FHIT: variants seen among roughly 807,000 people sequenced by gnomAD.
FHIT encodes the protein fragile histidine triad diadenosine triphosphatase.
In FHIT, 19 loss-of-function variants were observed where a neutral mutation model predicts 17.9. The observed-to-expected ratio is 1.06, with a 90% CI of 0.74 to 1.56. The LOEUF (loss-of-function observed/expected upper bound fraction) is 1.56, where lower values mean the gene tolerates loss of function less well. FHIT is among the 40% of genes most tolerant of loss of function. The probability of loss-of-function intolerance (pLI) is 0.00; values close to 1 mark genes in which losing one functional copy is unlikely to be tolerated. For missense variants in FHIT, 248 were observed against 189.2 expected (o/e 1.31, Z -1.82); for synonymous variants, 81 against 69.7 (o/e 1.16, Z -0.81).
At chr3:60,367,478 C>G (rs1461411164) in intron 5 of FHIT, among the ~76,000 whole-genome samples, 1 of 152,160 alleles carries the variant, frequency 6.6e-6, no homozygotes, top group Non-Finnish European at 1.5e-5. Flanking sequence ...TAAGAAAACT[C>G]TTACTCAAAA....
chr3:60,499,356 T>A (rs1429156434), intron 5 of FHIT, among the ~76,000 whole-genome samples: 1 of 152,194 alleles, frequency 6.6e-6, no homozygotes, highest in East Asian at 1.9e-4. Context: ...TCCAGACTCC[T>A]AGCATCTTCC....
At chr3:60,598,727 C>T (rs1553667622) in intron 4 of FHIT, among the ~76,000 whole-genome samples, 1 of 152,116 alleles carries the variant, frequency 6.6e-6, no homozygotes, top group African/African-American at 2.4e-5. Flanking sequence ...TCAGATACCG[C>T]TTCTGAGTTT....
In FHIT at chr3:60,568,369, A is replaced by C. The variant is rs140708472; in HGVS notation, c.-17-31390T>G. Among the ~76,000 whole-genome samples, 460 of 152,120 alleles carry C rather than the reference A, an allele frequency of 3.0e-3. 5 individuals are homozygous for C. Among genetic ancestry groups the C allele is most frequent in the African/African-American group, 0.011 (445 of 41,538 alleles). ...AACTATCACAAGGACAAAAAACCAA[A>C]TACCGCGTGTTCTCACTCATAGGTG... On this transcript the variant is annotated intron_variant, in intron 4 of 9. Coordinates refer to ENST00000492590, the MANE Select transcript of FHIT (RefSeq NM_002012.4).
At chr3:60,184,355 T>C (rs6797203) in intron 5 of FHIT, among the ~76,000 whole-genome samples, 81,891 of 151,884 alleles carry the variant, frequency 0.54, 22,941 homozygotes, top group East Asian at 0.92. Flanking sequence ...TAACTTATGT[T>C]GCTTAAGACT....
At chr3:60,463,101 G>C (rs1182978809) in intron 5 of FHIT, among the ~76,000 whole-genome samples, 1 of 152,168 alleles carries the variant, frequency 6.6e-6, no homozygotes, top group Non-Finnish European at 1.5e-5. Flanking sequence ...GTTTAAAAAT[G>C]ATGTTACTCT....
chr3:60,094,340 T>G (rs557810925), intron 5 of FHIT, among the ~76,000 whole-genome samples: 2 of 152,252 alleles, frequency 1.3e-5, no homozygotes, highest in South Asian at 4.1e-4. Context: ...TATTTTGGGA[T>G]GACAGGTCTG....
At chr3:59,961,737 C>G (rs1368120959) in intron 7 of FHIT, among the ~76,000 whole-genome samples, 1 of 152,224 alleles carries the variant, frequency 6.6e-6, no homozygotes, top group African/African-American at 2.4e-5. Context: ...CCCCTGTGGG[C>G]TGCACCCACT....
chr3:59,981,601 C>A (rs1176005504), intron 7 of FHIT, among the ~76,000 whole-genome samples: 1 of 152,092 alleles, frequency 6.6e-6, no homozygotes, highest in Non-Finnish European at 1.5e-5. Context: ...GACATCCAGC[C>A]CACATTTCCT....
intron 8 of FHIT, among the ~76,000 whole-genome samples, chr3:59,909,050 T>C (rs1263336451): frequency 6.6e-6 from 1 of 152,080 alleles, no homozygotes; most frequent in Admixed American, 6.5e-5. Context: ...TTTTATTTTT[T>C]TGAGACAGAG....
intron 8 of FHIT, among the ~76,000 whole-genome samples, chr3:59,854,432 T>C (rs984628925): frequency 6.6e-6 from 1 of 152,180 alleles, no homozygotes; most frequent in Non-Finnish European, 1.5e-5. Context: ...CATCTGACTT[T>C]CCAATGAGCA....
chr3:59,784,808 T>G (rs552169271), intron 8 of FHIT, among the ~76,000 whole-genome samples: 1 of 152,288 alleles, frequency 6.6e-6, no homozygotes, highest in South Asian at 2.1e-4. Flanking sequence ...TTAATAATAC[T>G]ATTTTATTTT....
At chr3:61,221,175 G>A (rs1177521267) in intron 1 of FHIT, among the ~76,000 whole-genome samples, 1 of 152,244 alleles carries the variant, frequency 6.6e-6, no homozygotes, top group African/African-American at 2.4e-5. Context: ...ACCCCAACAG[G>A]ACTGGAAGGT....
chr3:60,637,958 A>C (rs1395835401), intron 4 of FHIT, among the ~76,000 whole-genome samples: 4 of 152,216 alleles, frequency 2.6e-5, no homozygotes, highest in Admixed American at 2.6e-4. Flanking sequence ...CTACTAGAGT[A>C]ATGTCAAAAG....
At chr3:60,373,157 C>T (rs1424490005) in intron 5 of FHIT, among the ~76,000 whole-genome samples, 1 of 152,158 alleles carries the variant, frequency 6.6e-6, no homozygotes, top group Non-Finnish European at 1.5e-5. Context: ...GCAGAGAAGG[C>T]ACACATTAAT....
intron 4 of FHIT, among the ~76,000 whole-genome samples, chr3:60,636,691 C>T (rs368164024): frequency 4.7e-4 from 72 of 152,296 alleles, no homozygotes; most frequent in Non-Finnish European, 7.5e-4. Flanking sequence ...ACCTCTCCAG[C>T]GTCCTGTGCT....
chr3:60,898,104 C>T (rs1026615804), intron 3 of FHIT, among the ~76,000 whole-genome samples: 6 of 151,866 alleles, frequency 4.0e-5, no homozygotes. Context: ...CTTTTTATAC[C>T]TATTAAAAAA....
chr3:59,910,716 G>C (rs1442205200), intron 8 of FHIT, among the ~76,000 whole-genome samples: 1 of 152,168 alleles, frequency 6.6e-6, no homozygotes, highest in African/African-American at 2.4e-5. Context: ...AATCCATATA[G>C]GCCATATTAC....
At chr3:59,914,427 G>A (rs1705033505) in intron 8 of FHIT, among the ~76,000 whole-genome samples, 1 of 152,128 alleles carries the variant, frequency 6.6e-6, no homozygotes, top group Non-Finnish European at 1.5e-5. Context: ...GCAACTTGGA[G>A]GCCTTAGGAT....
At chr3:60,129,394 T>C (rs1347251869) in intron 5 of FHIT, among the ~76,000 whole-genome samples, 1 of 152,186 alleles carries the variant, frequency 6.6e-6, no homozygotes, top group Admixed American at 6.5e-5. Flanking sequence ...ATCTGCTTCC[T>C]ACAAAGAATT....
Sources: allele counts gnomAD v4.1 joint callset (sites outside exome capture counted in the v4.1 genomes callset), GRCh38; gene constraint gnomAD v4.1.1; transcripts MANE v1.5; gene names NCBI Gene and HGNC (gene_info 2026-07-23, HGNC 2026-07-21).